MAPT: variants seen among roughly 807,000 people sequenced by gnomAD.
MAPT encodes the protein microtubule associated protein tau.
Under a neutral mutation model 67.9 loss-of-function variants are expected in MAPT, and 34 were observed. The ratio of observed to expected loss-of-function variants is 0.50; its 90% CI spans 0.38 to 0.67. MAPT has a LOEUF of 0.67. Among genes scored for constraint, MAPT ranks in the 30% least tolerant of loss-of-function variants. The probability of loss-of-function intolerance (pLI) is 0.00; values close to 1 mark genes in which losing one functional copy is unlikely to be tolerated. For missense variants in MAPT, 881 were observed against 1,115.2 expected, an observed-to-expected ratio of 0.79 and a Z score of 2.99; for synonymous variants, 456 against 464.5, an observed-to-expected ratio of 0.98 and a Z score of 0.23.
intron 7 of MAPT, among the ~76,000 whole-genome samples, chr17:45,991,035 C>G (rs1475266850): frequency 6.6e-6 from 1 of 152,210 alleles, no homozygotes; most frequent in Non-Finnish European, 1.5e-5. Flanking sequence ...AACACTGCCC[C>G]CAGGGGCCTC....
intron 4 of MAPT, among the ~76,000 whole-genome samples, chr17:45,982,335 G>A (rs1282986594): frequency 3.2e-5 from 4 of 126,406 alleles, no homozygotes; most frequent in Admixed American, 2.5e-4. Context: ...CCAAAAAAAA[G>A]GGGTGGGGGG....
At chr17:46,014,497 C>T (rs1280906348) in intron 11 of MAPT, among the ~76,000 whole-genome samples, 173 bp downstream of exon 11, 2 of 152,128 alleles carry the variant, frequency 1.3e-5, no homozygotes, top group South Asian at 2.1e-4. Context: ...GGCGTGGTGG[C>T]TCCAGCTCGC....
chr17:46,014,311 C>T lies in MAPT; in HGVS notation c.2160C>T (p.Ile720=). 3.7e-6 allele frequency: 6 copies of T among 1,613,714 alleles called. No individual in the cohort carries two copies. Among genetic ancestry groups the T allele is most frequent in the Non-Finnish European group, 5.1e-6 (6 of 1,179,656 alleles). ...CCAAGTGTGGCTCATTAGGCAACAT[C>T]CATCATAAACCAGGTAGCCCTGTGG... ...VTSKCGSLGN[I]HHKPGGGQVE... is the part of the protein sequence containing the mutation. Residue 720 remains isoleucine (I), a synonymous_variant, in exon 11 of 13, where the codon ATC becomes ATT. Transcript: ENST00000262410.
At chr17:46,022,806 TGTA>T (rs1195210152) in intron 12 of MAPT, among the ~76,000 whole-genome samples, 2 of 152,192 alleles carry the variant, frequency 1.3e-5, no homozygotes, top group East Asian at 3.8e-4. Context: ...GGCATGAGCC[TGTA>T]GTCCCAGTTG....
chr17:45,901,648 G>C (rs1003000247), intron 1 of MAPT, among the ~76,000 whole-genome samples: 2 of 152,128 alleles, frequency 1.3e-5, no homozygotes, highest in Non-Finnish European at 2.9e-5. Flanking sequence ...GTTTTAAAAA[G>C]TCATTATATC....
chr17:45,898,002 ATAAGCTGCTTATATTTACTG>A (rs1568123058), intron 1 of MAPT: 2 of 112,786 alleles, frequency 1.8e-5, no homozygotes, highest in Admixed American at 9.6e-5. Flanking sequence ...TAATTACTGT[ATAAGCTGCTTATATTTACTG>A]TATAAGCATC....
At chr17:45,922,172 C>T (rs1182416198) in intron 1 of MAPT, among the ~76,000 whole-genome samples, 1 of 152,036 alleles carries the variant, frequency 6.6e-6, no homozygotes, top group African/African-American at 2.4e-5. Context: ...AGCACCACAC[C>T]TGGCTAATTT....
intron 1 of MAPT, among the ~76,000 whole-genome samples, chr17:45,914,755 CTG>C (rs2065057984): frequency 6.7e-6 from 1 of 148,556 alleles, no homozygotes; most frequent in Non-Finnish European, 1.5e-5. Context: ...GGGTCTCTCT[CTG>C]TTGCCCAGGC....
chr17:45,917,106 G>A (rs1190912128), intron 1 of MAPT, among the ~76,000 whole-genome samples: 3 of 152,224 alleles, frequency 2.0e-5, no homozygotes, highest in Non-Finnish European at 4.4e-5. Flanking sequence ...CCCCTCAGCA[G>A]CAGCTTTCCA....
At chr17:45,955,936 A>C (rs983235352) in intron 1 of MAPT, among the ~76,000 whole-genome samples, 2 of 152,090 alleles carry the variant, frequency 1.3e-5, no homozygotes, top group East Asian at 3.9e-4. Context: ...GGGTTTCCCT[A>C]TGTTGGCCAG....
chr17:46,007,704 T>A (rs2075547065), intron 9 of MAPT, among the ~76,000 whole-genome samples: 1 of 152,112 alleles, frequency 6.6e-6, no homozygotes, highest in Non-Finnish European at 1.5e-5. Flanking sequence ...AGCAATGTGG[T>A]GAGGCTGGCT....
chr17:45,908,471 C>T (rs1239112299), intron 1 of MAPT: 6 of 152,188 alleles, frequency 3.9e-5, no homozygotes, highest in Non-Finnish European at 8.8e-5. Context: ...AAAAGGGTCA[C>T]AGTGAGAGGG....
intron 1 of MAPT, among the ~76,000 whole-genome samples, chr17:45,916,701 A>G (rs2065236139): frequency 6.6e-6 from 1 of 152,194 alleles, no homozygotes; most frequent in Non-Finnish European, 1.5e-5. Context: ...CTGAGGTTAC[A>G]TTGAGAAAAG....
chr17:45,998,050 G>A (rs544619654), intron 9 of MAPT, among the ~76,000 whole-genome samples: 2 of 152,284 alleles, frequency 1.3e-5, no homozygotes, highest in South Asian at 4.1e-4. Flanking sequence ...AGATGTGCTG[G>A]GCCTTCTGGG....
intron 1 of MAPT, among the ~76,000 whole-genome samples, chr17:45,958,735 AAAAAAG>A (rs2145240469): frequency 6.6e-6 from 1 of 151,976 alleles, no homozygotes; most frequent in Non-Finnish European, 1.5e-5. Flanking sequence ...GAAAAAAAAA[AAAAAAG>A]AGGAGAAAAA....
intron 1 of MAPT, among the ~76,000 whole-genome samples, chr17:45,912,236 G>T (rs1013510689): frequency 1.3e-5 from 2 of 152,210 alleles, no homozygotes; most frequent in Non-Finnish European, 2.9e-5. Flanking sequence ...CAAATAATTG[G>T]CATAGGCTGC....
At chr17:46,006,744 C>T (rs1446535044) in intron 9 of MAPT, among the ~76,000 whole-genome samples, 1 of 151,844 alleles carries the variant, frequency 6.6e-6, no homozygotes, top group Non-Finnish European at 1.5e-5. Context: ...GAAACCCCGT[C>T]TCTACTACAA....
intron 7 of MAPT, chr17:45,990,498 C>T (rs746580214): frequency 9.1e-5 from 41 of 451,814 alleles, no homozygotes; most frequent in African/African-American, 3.2e-4. Context: ...TGGTGGTAAT[C>T]GCAGCTACTC....
chr17:45,944,691 G>A (rs1481168059), intron 1 of MAPT, among the ~76,000 whole-genome samples: 2 of 152,214 alleles, frequency 1.3e-5, no homozygotes, highest in East Asian at 3.9e-4. Context: ...CTAGGAGCTG[G>A]TTATCATTCC....
Sources: allele counts gnomAD v4.1 joint callset (sites outside exome capture counted in the v4.1 genomes callset), GRCh38; gene constraint gnomAD v4.1.1; transcripts MANE v1.5; gene names NCBI Gene and HGNC (gene_info 2026-07-23, HGNC 2026-07-21).